Variants in GEMIN4 observed in about 807,000 individuals in gnomAD.
GEMIN4 encodes the protein gem-associated protein 4.
In GEMIN4, 59 loss-of-function variants were observed where a neutral mutation model predicts 76.8. That is an observed-to-expected ratio of 0.77 (90% CI 0.62 to 0.95). GEMIN4 has a LOEUF of 0.95. GEMIN4 is among the 40% of genes least tolerant of loss of function. GEMIN4 has a pLI of 0.00. For missense variants in GEMIN4, 1,311 were observed against 1,318.9 expected (o/e 0.99, Z 0.09); for synonymous variants, 562 against 559.7 (o/e 1.00, Z -0.06).
chr17:747,113 A>G lies in GEMIN4; in HGVS notation c.930T>C (p.Ser310=), dbSNP rs1974457426. The G allele has an allele frequency of 1.9e-6, 3 of 1,612,780 alleles. No individual in the cohort carries two copies. In the South Asian group the frequency reaches 3.3e-5, roughly 18 times the overall value. ...ACTCGCAGCCCACGAAAATGGTCTC[A>G]CTGGGGAGTTTGGCCAGCGAGGTCA... ...VSLTSLAKLP[S]ETIFVGCEFL... The change falls in exon 2 of 2, where the codon AGT becomes AGC. Residue 310 remains serine (S), a synonymous_variant. Transcript: ENST00000319004.
chr17:745,193 G>A lies in GEMIN4; in HGVS notation c.2850C>T (p.Leu950=). 3 of 1,607,460 alleles carry A rather than the reference G, an allele frequency of 1.9e-6. No individual in the cohort carries two copies. The highest frequency in any genetic ancestry group is 1.7e-6 in the Non-Finnish European group (2 of 1,177,338). ...VKLLCGSLTR[L]LDSVRAIQAA... ...CCTGTATCGCCCTGACTGAGTCCAG[G>A]AGGCGGGTCAGACTGCCACAGAGGA... Residue 950 remains leucine (L), a synonymous_variant, in exon 2 of 2, where the codon CTC becomes CTT. Coordinates refer to ENST00000319004, the MANE Select transcript of GEMIN4 (RefSeq NM_015721.3). The surrounding 1 kb of genome is among the most constrained non-coding windows in gnomAD (Gnocchi z 4.6).
Position 745,339 on chromosome 17 carries a change from G to C in GEMIN4, c.2704C>G (p.Leu902Val). ...EYIQFVPLLN[L>V]KPFAQELQLS... ...TGCAACTCCTGGGCAAAGGGCTTCA[G>C]GTTGAGCAGGGGAACAAACTGAATA... is the stretch of plus-strand genomic sequence containing the variant. Residue 902 changes from leucine (L) to valine (V), a missense_variant, in exon 2 of 2, where the codon CTG becomes GTG. Physicochemically the swap from Leu to Val is conservative, Grantham distance 32. This residue lies in a region of GEMIN4 where 1,208 missense variants were observed against 1,166.9 expected (regional missense o/e 1.04). Transcript: ENST00000319004. The surrounding 1 kb of genome is among the most constrained non-coding windows in gnomAD (Gnocchi z 4.6). The C allele has an allele frequency of 1.2e-6, 2 of 1,613,050 alleles. No homozygotes were observed. The highest frequency in any genetic ancestry group is 1.7e-6 in the Non-Finnish European group (2 of 1,179,864).
rs765815008 is a variant in GEMIN4, at chr17:747,893, T to C, written c.150A>G (p.Leu50=). 31 of 1,613,786 alleles carry C rather than the reference T, an allele frequency of 1.9e-5. No homozygotes were observed. The highest frequency in any genetic ancestry group is 2.4e-5 in the Non-Finnish European group (28 of 1,179,888). The change falls in exon 2 of 2, where the codon TTA becomes TTG. Residue 50 remains leucine (L), a synonymous_variant. Transcript: ENST00000319004. ...ERVGRPIVEA[L]REISSAAAHS... ...GTGCTGCAGCCGAGGAGATCTCCCT[T>C]AAGGCCTCCACGATGGGCCGTCCAA...
chr17:748,392 T>G lies in GEMIN4; in HGVS notation c.11-360A>C, dbSNP rs137983128. Reference sequence around the variant, plus strand: ...GTGGAAGTTCAGGAGGGAAGTAAGCTGGGAAATGTGATTCTGAGAGGTATC... The same window carrying G: ...GTGGAAGTTCAGGAGGGAAGTAAGCGGGGAAATGTGATTCTGAGAGGTATC... On this transcript the variant is annotated intron_variant, in intron 1 of 1. Transcript: ENST00000319004. The G allele has an allele frequency of 4.5e-3, 1,033 of 228,010 alleles. 22 individuals carry two copies. The highest frequency in any genetic ancestry group is 0.041 in the Admixed American group (779 of 18,834). The allele number at this position is 228,010 out of a possible 1,614,324, so 14.1% of individuals were successfully genotyped here.
intron 1 of GEMIN4, chr17:751,684 CAGTGGGG>C (rs1904697122): frequency 6.0e-6 from 1 of 165,312 alleles, no homozygotes; most frequent in Non-Finnish European, 1.3e-5. Flanking sequence ...GCCCAAAACT[CAGTGGGG>C]AGACACACTT....
At chr17:752,756 G>T, upstream of GEMIN4, 1 of 342,002 alleles carries the variant, frequency 2.9e-6, no homozygotes, top group Non-Finnish European at 4.2e-6. Context: ...TGGACCCCGA[G>T]CTTGCAATCT....
In GEMIN4 at chr17:747,080, G is replaced by C; in HGVS notation, c.963C>G (p.His321Gln). 2.5e-6 allele frequency: 4 copies of C among 1,613,606 alleles called. No individual in the cohort carries two copies. Among genetic ancestry groups the C allele is most frequent in the Non-Finnish European group, 2.5e-6 (3 of 1,179,814 alleles). Residue 321 changes from histidine to glutamine, a missense_variant, in exon 2 of 2, where the codon CAC becomes CAG. By Grantham distance (24) the His-to-Gln change is conservative. Coordinates refer to ENST00000319004, the MANE Select transcript of GEMIN4 (RefSeq NM_015721.3). ...CCTCCCCCCACTCCCGCAGCAGGTG[G>C]TGCAGGAACTCGCAGCCCACGAAAA... The part of the protein sequence containing the change: ...ETIFVGCEFL[H>Q]HLLREWGEEL...
rs752755569 is a variant in GEMIN4 at position 745,259 on chromosome 17, A to G, written c.2784T>C (p.Arg928=). Residue 928 remains arginine, a synonymous_variant, in exon 2 of 2, where the codon CGT becomes CGC. Transcript: ENST00000319004. The surrounding 1 kb of genome is among the most constrained non-coding windows in gnomAD (Gnocchi z 4.6). ...TCCAGCCTTCCAGAGGAAGCCAATC[A>G]CGACAGCTATGGCTGCAGAGAAACT... The part of the protein sequence containing the change: ...TFQFLCSHSC[R]DWLPLEGWNH... 6.2e-7 allele frequency: 1 copy of G among 1,611,132 alleles called. No individual in the cohort carries two copies. Among genetic ancestry groups the G allele is most frequent in the African/African-American group, 1.3e-5 (1 of 75,024 alleles).
At chr17:751,980 C>T (rs1039491187) in intron 1 of GEMIN4, 153 bp downstream of exon 1, 8 of 479,688 alleles carry the variant, frequency 1.7e-5, no homozygotes, top group Non-Finnish European at 2.3e-5. Context: ...CCCGCCAAGG[C>T]CACCCCGGGA....
rs34936176 is a variant in GEMIN4 at position 745,573 on chromosome 17, C to T, written c.2470G>A (p.Val824Ile). Residue 824 changes from valine (V) to isoleucine (I), a missense_variant, in exon 2 of 2, where the codon GTC becomes ATC. Val to Ile is a conservative substitution (Grantham distance 29, BLOSUM62 3). Transcript: ENST00000319004. This position sits in a 1 kb window ranked among gnomAD's most constrained non-coding sequence, Gnocchi z 4.6. ...ATCCTCTCCGAGATGCCGCTGGAGACGCAGCAGCACTCCATCCAGGCCAGG... is the reference window on the plus strand; with the variant it reads ...ATCCTCTCCGAGATGCCGCTGGAGATGCAGCAGCACTCCATCCAGGCCAGG... Reference protein sequence around the residue: ...GLLAWMECCCVSSGISERMLS... With the variant: ...GLLAWMECCCISSGISERMLS... 65 of 1,611,962 alleles carry T rather than the reference C, an allele frequency of 4.0e-5. No individual in the cohort carries two copies. The highest frequency in any genetic ancestry group is 5.3e-5 in the Non-Finnish European group (62 of 1,179,538).
chr17:749,932 G>C, intron 1 of GEMIN4: 1 of 986,760 alleles, frequency 1.0e-6, no homozygotes. Flanking sequence ...CCAGGGAGTA[G>C]ATACAGAAAA....
At position 745,421 on chromosome 17, in the gene GEMIN4, C is replaced by A. The variant is rs1216371443; in HGVS notation, c.2622G>T (p.Gln874His). 3 of 1,612,792 alleles carry A rather than the reference C, an allele frequency of 1.9e-6. No homozygotes were observed. In the Admixed American group the frequency reaches 5.0e-5, roughly 27 times the overall value. The change falls in exon 2 of 2, where the codon CAG (glutamine) becomes CAT (histidine). Residue 874 changes from glutamine to histidine, a missense_variant. Physicochemically the swap from Gln to His is conservative, Grantham distance 24. This residue lies in a region of GEMIN4 where 1,208 missense variants were observed against 1,166.9 expected (regional missense o/e 1.04). Transcript: ENST00000319004. The surrounding 1 kb of genome is among the most constrained non-coding windows in gnomAD (Gnocchi z 4.6). Reference protein sequence around the residue: ...CSPQEWQRLHQLTRRLLEKQL... With the variant: ...CSPQEWQRLHHLTRRLLEKQL... ...GCTTCTCCAGCAGTCTCCTGGTCAG[C>A]TGGTGAAGGCGCTGCCACTCCTGAG... is the stretch of plus-strand genomic sequence containing the variant.
At chr17:749,862 AC>A (rs911461550) in intron 1 of GEMIN4, 2 of 993,142 alleles carry the variant, frequency 2.0e-6, no homozygotes, top group African/African-American at 3.5e-5. Flanking sequence ...GAAACGGTCC[AC>A]CCCACAGCTC....
At position 745,863 on chromosome 17, in the gene GEMIN4, T is replaced by A. The variant is rs765875076; in HGVS notation, c.2180A>T (p.Asp727Val). ...GAGCTCCAGGATATGGATCGCTAGA[T>A]CCTTCCTATCCAAAGAGAGGCACCG... The part of the protein sequence containing the change: ...EKRCLSLDRK[D>V]LAIHILELLC... The change falls in exon 2 of 2, where the codon GAT (aspartate) becomes GTT (valine). Residue 727 changes from aspartate to valine, a missense_variant. Coordinates refer to ENST00000319004, the MANE Select transcript of GEMIN4 (RefSeq NM_015721.3). The surrounding 1 kb of genome is among the most constrained non-coding windows in gnomAD (Gnocchi z 4.6). 1 of 1,612,770 alleles carries A rather than the reference T, an allele frequency of 6.2e-7. No individual in the cohort carries two copies. Among genetic ancestry groups the A allele is most frequent in the Admixed American group, 1.7e-5 (1 of 59,974 alleles).
rs759754939 is a variant in GEMIN4, at chr17:745,247, A to C, written c.2796T>G (p.Pro932=). 2 of 1,610,936 alleles carry C rather than the reference A, an allele frequency of 1.2e-6. No individual in the cohort carries two copies. Among genetic ancestry groups the C allele is most frequent in the South Asian group, 2.2e-5 (2 of 90,694 alleles). The stretch of plus-strand genomic sequence containing the variant: ...TGACCACGTGGTTCCAGCCTTCCAG[A>C]GGAAGCCAATCACGACAGCTATGGC... ...LCSHSCRDWL[P]LEGWNHVVKL... The change falls in exon 2 of 2, where the codon CCT becomes CCG. Residue 932 remains proline (P), a synonymous_variant. Transcript: ENST00000319004. The surrounding 1 kb of genome is among the most constrained non-coding windows in gnomAD (Gnocchi z 4.6).
Position 745,001 on chromosome 17 carries a change from A to C in GEMIN4, c.3042T>G (p.Thr1014=), listed in dbSNP as rs199546601. ...LALETLTCYE[T]LSKTNPSVSS... ...TGACAGAAGGGTTGGTCTTGCTCAA[A>C]GTCTCATAGCAGGTGAGGGTTTCCA... The change falls in exon 2 of 2, where the codon ACT becomes ACG. Residue 1014 remains threonine, a synonymous_variant. Coordinates refer to ENST00000319004, the MANE Select transcript of GEMIN4 (RefSeq NM_015721.3). This position sits in a 1 kb window ranked among gnomAD's most constrained non-coding sequence, Gnocchi z 4.6. 6.2e-7 allele frequency: 1 copy of C among 1,613,978 alleles called. No individual in the cohort carries two copies. The highest frequency in any genetic ancestry group is 8.5e-7 in the Non-Finnish European group (1 of 1,179,908).
At chr17:751,325 C>T (rs1231902180) in intron 1 of GEMIN4, among the ~76,000 whole-genome samples, 2 of 152,148 alleles carry the variant, frequency 1.3e-5, no homozygotes, top group African/African-American at 4.8e-5. Context: ...GAAGCAATTA[C>T]GGCTGAGGGG....
Position 745,536 on chromosome 17 carries a change from AAG to A in GEMIN4, c.2505_2506del (p.Leu836GlyfsTer8), listed in dbSNP as rs1292884327. The A allele has an allele frequency of 2.5e-6, 4 of 1,611,812 alleles. No homozygotes were observed. The highest frequency in any genetic ancestry group is 1.1e-5 in the South Asian group (1 of 90,982). On this transcript the variant is annotated frameshift_variant, in exon 2 of 2. Coordinates refer to ENST00000319004, the MANE Select transcript of GEMIN4 (RefSeq NM_015721.3). LOFTEE classifies it high-confidence loss of function. This position sits in a 1 kb window ranked among gnomAD's most constrained non-coding sequence, Gnocchi z 4.6. Reference sequence around the variant, plus strand: ...CTCAGGATTGCCCACGTCCACCACCAAGAGAGACAGCATCCTCTCCGAGATGC... The same window carrying A: ...CTCAGGATTGCCCACGTCCACCACCAAGAGACAGCATCCTCTCCGAGATGC...
Position 744,727 on chromosome 17 carries a change from A to T in GEMIN4, c.*139T>A. ...TGACTTTTTGTGGACAGTTTCACATAACTGTAAAGTCCAGGCTGCTCGGGT... is the reference window on the plus strand; with the variant it reads ...TGACTTTTTGTGGACAGTTTCACATTACTGTAAAGTCCAGGCTGCTCGGGT... On this transcript the variant is annotated 3_prime_UTR_variant, in exon 2 of 2. Transcript: ENST00000319004. The T allele has an allele frequency of 1.2e-6, 1 of 810,940 alleles. No individual in the cohort carries two copies. Among genetic ancestry groups the T allele is most frequent in the Non-Finnish European group, 1.9e-6 (1 of 535,826 alleles). The allele number at this position is 810,940 out of a possible 1,614,324, so 50.2% of individuals were successfully genotyped here.
Sources: allele counts gnomAD v4.1 joint callset (sites outside exome capture counted in the v4.1 genomes callset), GRCh38; gene constraint gnomAD v4.1.1; regional missense constraint gnomAD v4.1.1; non-coding constraint Gnocchi (gnomAD v3.1); transcripts MANE v1.5; gene names NCBI Gene and HGNC (gene_info 2026-07-23, HGNC 2026-07-21).